ACOXL: variants seen among roughly 807,000 people sequenced by gnomAD.
ACOXL encodes the protein acyl-CoA oxidase like.
A neutral mutation model predicts 71.9 loss-of-function variants in ACOXL; 70 were observed. The observed-to-expected ratio is 0.97, with a 90% CI of 0.80 to 1.19. The LOEUF (loss-of-function observed/expected upper bound fraction) is 1.19, where lower values mean the gene tolerates loss of function less well. ACOXL is among the 50% of genes most tolerant of loss of function. The probability of loss-of-function intolerance (pLI) is 0.00; values close to 1 mark genes in which losing one functional copy is unlikely to be tolerated. For missense variants in ACOXL, 703 were observed against 736.3 expected, an observed-to-expected ratio of 0.95 and a Z score of 0.52; for synonymous variants, 253 against 281.6, an observed-to-expected ratio of 0.90 and a Z score of 1.02.
intron 17 of ACOXL, chr2:111,093,428 A>T (rs755518087): frequency 3.7e-5 from 60 of 1,612,040 alleles, no homozygotes; most frequent in Admixed American, 3.7e-4. Flanking sequence ...GCAAAGAAAA[A>T]GAATGTGAAA....
intron 16 of ACOXL, among the ~76,000 whole-genome samples, chr2:111,055,461 G>A (rs982214876): frequency 2.6e-5 from 4 of 152,230 alleles, no homozygotes; most frequent in African/African-American, 9.6e-5. Flanking sequence ...CATGCACAGT[G>A]CAAACCATGA....
intron 11 of ACOXL, among the ~76,000 whole-genome samples, chr2:110,919,307 C>G (rs1299553486): frequency 6.8e-6 from 1 of 148,050 alleles, no homozygotes; most frequent in African/African-American, 2.5e-5. Context: ...AACACAGGAA[C>G]AGAAAACCAA....
intron 10 of ACOXL, among the ~76,000 whole-genome samples, chr2:110,888,205 C>T (rs1451524011): frequency 6.6e-6 from 1 of 152,164 alleles, no homozygotes; most frequent in Non-Finnish European, 1.5e-5. Context: ...GGGTCGTATA[C>T]CATCACGAAA....
At chr2:110,933,975 C>T (rs2060572295) in intron 12 of ACOXL, among the ~76,000 whole-genome samples, 1 of 152,144 alleles carries the variant, frequency 6.6e-6, no homozygotes. Flanking sequence ...TGTTTTAATC[C>T]CTTGGGAGAA....
chr2:110,828,516 C>T (rs1181617165), intron 9 of ACOXL, among the ~76,000 whole-genome samples: 1 of 152,184 alleles, frequency 6.6e-6, no homozygotes, highest in Non-Finnish European at 1.5e-5. Context: ...CATTGACAAT[C>T]GCCAGGCTGT....
chr2:110,915,378 GTGTA>G (rs1389529592), intron 11 of ACOXL, among the ~76,000 whole-genome samples: 3 of 141,344 alleles, frequency 2.1e-5, no homozygotes, highest in African/African-American at 5.2e-5. Context: ...GTGTGTGTGT[GTGTA>G]TGTATGTGTG....
chr2:110,899,455 G>A (rs1276132401), intron 10 of ACOXL, among the ~76,000 whole-genome samples: 1 of 152,152 alleles, frequency 6.6e-6, no homozygotes, highest in Non-Finnish European at 1.5e-5. Flanking sequence ...GATGGACAGA[G>A]ACTCTGCATC....
At chr2:110,782,203 A>G (rs1164110480) in intron 2 of ACOXL, among the ~76,000 whole-genome samples, 9 of 152,154 alleles carry the variant, frequency 5.9e-5, no homozygotes, top group African/African-American at 2.2e-4. Context: ...AATTGCTGCA[A>G]TTCTACTGCT....
intron 9 of ACOXL, among the ~76,000 whole-genome samples, chr2:110,820,071 C>G (rs886655619): frequency 3.9e-5 from 6 of 152,174 alleles, no homozygotes; most frequent in African/African-American, 7.2e-5. Flanking sequence ...CATAGACTTC[C>G]GTGTGGTCGT....
chr2:110,754,324 A>G (rs751790274), intron 1 of ACOXL, among the ~76,000 whole-genome samples: 1 of 152,052 alleles, frequency 6.6e-6, no homozygotes, highest in Non-Finnish European at 1.5e-5. Flanking sequence ...CTTGTGCCTC[A>G]GCCTCTCAAA....
intron 10 of ACOXL, among the ~76,000 whole-genome samples, chr2:110,884,203 G>A (rs1051002269): frequency 3.3e-5 from 5 of 152,172 alleles, no homozygotes; most frequent in Non-Finnish European, 5.9e-5. Flanking sequence ...ATACTAGGTC[G>A]AACAAAGAGA....
Position 111,092,947 on chromosome 2 carries a change from G to A in ACOXL, c.1523G>A (p.Ser508Asn). The change falls in exon 17 of 18, where the codon AGC (serine) becomes AAC (asparagine). Residue 508 changes from serine to asparagine, a missense_variant. Physicochemically the swap from Ser to Asn is conservative, Grantham distance 46. Coordinates refer to ENST00000439055, the MANE Select transcript of ACOXL (RefSeq NM_001142807.4). Reference protein sequence around the residue: ...LEHKYLTPMASTRIRNQLLDL... With the variant: ...LEHKYLTPMANTRIRNQLLDL... Reference sequence around the variant, plus strand: ...CATAAATACTTGACTCCCATGGCCAGCACGAGGATCAGGAATCAGGTAAGG... The same window carrying A: ...CATAAATACTTGACTCCCATGGCCAACACGAGGATCAGGAATCAGGTAAGG... 1.2e-6 allele frequency: 2 copies of A among 1,613,944 alleles called. No homozygotes were observed. The highest frequency in any genetic ancestry group is 3.3e-5 in the Admixed American group (2 of 59,984).
chr2:110,751,341 A>G (rs1678936900), intron 1 of ACOXL, among the ~76,000 whole-genome samples: 1 of 151,944 alleles, frequency 6.6e-6, no homozygotes, highest in African/African-American at 2.4e-5. Context: ...ATGCACAAAA[A>G]TGGGAAGACC....
chr2:110,748,159 T>C (rs1678474778), intron 1 of ACOXL, among the ~76,000 whole-genome samples: 1 of 152,230 alleles, frequency 6.6e-6, no homozygotes, highest in African/African-American at 2.4e-5. Flanking sequence ...CTCCTCTGTC[T>C]TCTATGCTAG....
chr2:111,115,902 A>T (rs1045936608), intron 17 of ACOXL, among the ~76,000 whole-genome samples: 42 of 152,276 alleles, frequency 2.8e-4, no homozygotes, highest in East Asian at 1.3e-3. Context: ...TTATTTTTTT[A>T]AAATTTTCTT....
chr2:110,850,808 A>G (rs1692507581), intron 10 of ACOXL, among the ~76,000 whole-genome samples: 1 of 152,054 alleles, frequency 6.6e-6, no homozygotes, highest in East Asian at 1.9e-4. Flanking sequence ...CAGAGATTAC[A>G]CTCCCGGATA....
intron 1 of ACOXL, among the ~76,000 whole-genome samples, chr2:110,751,495 C>T (rs1029518573): frequency 2.0e-5 from 3 of 152,068 alleles, no homozygotes; most frequent in Non-Finnish European, 2.9e-5. Context: ...TTCAAAATTA[C>T]TAACATAAAT....
At chr2:110,805,788 T>A (rs72942188) in intron 9 of ACOXL, among the ~76,000 whole-genome samples, 3,428 of 152,302 alleles carry the variant, frequency 0.023, 136 homozygotes, top group African/African-American at 0.078. Flanking sequence ...TTGATCCTCA[T>A]GTGTCTGTAT....
intron 16 of ACOXL, among the ~76,000 whole-genome samples, chr2:111,066,965 C>A (rs373943988): frequency 6.6e-6 from 1 of 152,126 alleles, no homozygotes. Flanking sequence ...TCATCTCTTA[C>A]CAAGCCATGA....
Sources: gnomAD v4.1 joint callset for allele counts (sites outside exome capture counted in the v4.1 genomes callset) on GRCh38, gnomAD v4.1.1 for gene constraint, MANE v1.5 for transcripts, NCBI Gene and HGNC (gene_info 2026-07-23, HGNC 2026-07-21) for gene names.